USPL1: variants seen among roughly 807,000 people sequenced by gnomAD.
USPL1 encodes the protein ubiquitin specific peptidase like 1.
Under a neutral mutation model 51.5 loss-of-function variants are expected in USPL1, and 27 were observed. The observed-to-expected ratio is 0.52, with a 90% CI of 0.39 to 0.72. The LOEUF (loss-of-function observed/expected upper bound fraction) is 0.72. USPL1 is among the 30% of genes least tolerant of loss of function. USPL1 has a pLI of 0.00. For missense variants in USPL1, 1,226 were observed against 1,268.0 expected (o/e 0.97, Z 0.50); for synonymous variants, 451 against 459.6 (o/e 0.98, Z 0.24).
chr13:30,643,499 G>A (rs1157520682), intron 6 of USPL1, among the ~76,000 whole-genome samples: 2 of 151,920 alleles, frequency 1.3e-5, no homozygotes, highest in African/African-American at 4.8e-5. Flanking sequence ...ATTCTCACTT[G>A]GTCCATACCT....
At position 30,637,966 on chromosome 13, in the gene USPL1, G is replaced by C. The variant is rs1451873277; in HGVS notation, c.982+109G>C. 8 of 908,570 alleles carry C rather than the reference G, an allele frequency of 8.8e-6. No individual in the cohort carries two copies. The East Asian group carries it at 2.1e-4, about 24-fold the overall frequency. 56.3% of individuals were successfully genotyped at this position (908,570 alleles called of 1,614,324 possible). A position where few individuals can be genotyped will look rare whatever the true frequency, so the allele number is the denominator to read the frequency against. ...GATTACCTTGGATGATCATATTCTT[G>C]GGAGAGAGAATCTGAGTAGTTTGAC... On this transcript the variant is annotated intron_variant, in intron 5 of 8. Transcript: ENST00000255304.
chr13:30,619,073 G>A (rs977078135), intron 1 of USPL1, among the ~76,000 whole-genome samples: 4 of 152,214 alleles, frequency 2.6e-5, no homozygotes, highest in African/African-American at 9.7e-5. Context: ...TCTAGTCTGT[G>A]TGTTTGGAAG....
intron 6 of USPL1, 57 bp downstream of exon 6, chr13:30,642,814 A>G: frequency 6.4e-7 from 1 of 1,572,834 alleles, no homozygotes; most frequent in Non-Finnish European, 8.6e-7. Flanking sequence ...CACTAAGGTT[A>G]AGAGAACAAT....
At position 30,653,300 on chromosome 13, in the gene USPL1, C is replaced by T. The variant is rs759503558; in HGVS notation, c.1391C>T (p.Ala464Val). ...NNHFITWILDADGSWLECDDL... is the reference protein window; with the variant it reads ...NNHFITWILDVDGSWLECDDL... ...CATTTTATAACATGGATTTTAGATG[C>T]TGATGGTAAGTGTTTAGAGGTTTTC... The change falls in exon 8 of 9, where the codon GCT becomes GTT. Residue 464 changes from alanine to valine, a missense_variant. Physicochemically the swap from Ala to Val is moderately conservative, Grantham distance 64. Coordinates refer to ENST00000255304, the MANE Select transcript of USPL1 (RefSeq NM_005800.5). 6.3e-7 allele frequency: 1 copy of T among 1,596,354 alleles called. No individual in the cohort carries two copies. The highest frequency in any genetic ancestry group is 8.6e-7 in the Non-Finnish European group (1 of 1,167,566).
intron 8 of USPL1, 72 bp downstream of exon 8, chr13:30,653,377 G>A: frequency 1.4e-6 from 2 of 1,419,464 alleles, no homozygotes; most frequent in Non-Finnish European, 1.9e-6. Flanking sequence ...GGACTTTTTG[G>A]TTTTTGTTTT....
In USPL1 at chr13:30,657,900, T is replaced by TAGAAAATAAACCTGTAGC; in HGVS notation, c.1832_1849dup (p.Lys611_Asn616dup). On this transcript the variant is annotated inframe_insertion, in exon 9 of 9. Coordinates refer to ENST00000255304, the MANE Select transcript of USPL1 (RefSeq NM_005800.5). The stretch of plus-strand genomic sequence containing the variant: ...CAGTTAAATTCTGAAGCTTTCCTGT[T>TAGAAAATAAACCTGTAGC]AGAAAATAAACCTGTAGCAGAAAAT... 1 of 1,614,014 alleles carries TAGAAAATAAACCTGTAGC rather than the reference T, an allele frequency of 6.2e-7. No homozygotes were observed. Among genetic ancestry groups the TAGAAAATAAACCTGTAGC allele is most frequent in the South Asian group, 1.1e-5 (1 of 91,060 alleles).
intron 6 of USPL1, among the ~76,000 whole-genome samples, chr13:30,643,515 A>G (rs1041403183): frequency 2.0e-5 from 3 of 151,816 alleles, no homozygotes; most frequent in Admixed American, 6.6e-5. Context: ...TACCTGAGAA[A>G]GTTGCTGGCT....
At position 30,631,459 on chromosome 13, in the gene USPL1, T is replaced by C. The variant is rs146208094; in HGVS notation, c.853T>C (p.Leu285=). ...QANTLLYTSQ[L]SGVKDGDCKK... is the part of the protein sequence containing the mutation. ...AAATACACTTCTATATACCAGTCAA[T>C]TGAGTGGTGTTAAAGGTTGGTACTA... The change falls in exon 4 of 9, where the codon TTG becomes CTG. Residue 285 remains leucine, a synonymous_variant. Coordinates refer to ENST00000255304, the MANE Select transcript of USPL1 (RefSeq NM_005800.5). 539 of 1,613,558 alleles carry C rather than the reference T, an allele frequency of 3.3e-4. 1 individual carries two copies. The African/African-American group carries it at 6.3e-3, about 19-fold the overall frequency.
intron 4 of USPL1, among the ~76,000 whole-genome samples, chr13:30,634,470 C>G (rs1393791336): frequency 6.6e-6 from 1 of 152,094 alleles, no homozygotes; most frequent in East Asian, 1.9e-4. Context: ...TTCGTATTGC[C>G]TAATTTAGTT....
intron 5 of USPL1, among the ~76,000 whole-genome samples, chr13:30,639,087 G>A (rs994254295): frequency 6.6e-6 from 1 of 151,528 alleles, no homozygotes; most frequent in Non-Finnish European, 1.5e-5. Context: ...GTGGTAGTGT[G>A]TGCCTGTAGT....
intron 3 of USPL1, among the ~76,000 whole-genome samples, chr13:30,629,464 A>G (rs577276743): frequency 1.4e-3 from 206 of 152,228 alleles, no homozygotes; most frequent in African/African-American, 4.8e-3. Context: ...TCCAGCCTGG[A>G]TAACAGAGCC....
At position 30,647,098 on chromosome 13, in the gene USPL1, G is replaced by C. The variant is rs558628180; in HGVS notation, c.1238+41G>C. ...CTTATAATTTTTAGTACAAAATGAA[G>C]GTGGATTTACATTTTTCTTAATGTG... On this transcript the variant is annotated intron_variant, in intron 7 of 8. Coordinates refer to ENST00000255304, the MANE Select transcript of USPL1 (RefSeq NM_005800.5). The C allele has an allele frequency of 3.6e-4, 568 of 1,568,470 alleles. 4 individuals are homozygous for C. In the South Asian group the frequency reaches 6.0e-3, roughly 17 times the overall value.
Position 30,658,771 on chromosome 13 carries a change from A to G in USPL1, c.2694A>G (p.Ala898=), listed in dbSNP as rs1951210045. The G allele has an allele frequency of 6.2e-7, 1 of 1,614,104 alleles. No homozygotes were observed. Among genetic ancestry groups the G allele is most frequent in the South Asian group, 1.1e-5 (1 of 91,086 alleles). Residue 898 remains alanine, a synonymous_variant, in exon 9 of 9, where the codon GCA becomes GCG. Transcript: ENST00000255304. ...TAAAACTTCGTAAAAAGCTAAAGGC[A>G]GAAAAGAAGAAATTAGCTGCTCTTA... ...LRLKLRKKLK[A]EKKKLAALMS...
intron 2 of USPL1, 103 bp downstream of exon 2, chr13:30,621,342 G>A: frequency 1.2e-6 from 1 of 826,680 alleles, no homozygotes; most frequent in Non-Finnish European, 1.9e-6. Flanking sequence ...CTAAAAAATT[G>A]TGTCTTCCAC....
At chr13:30,654,607 A>C (rs1951135778) in intron 8 of USPL1, among the ~76,000 whole-genome samples, 1 of 152,214 alleles carries the variant, frequency 6.6e-6, no homozygotes, top group Non-Finnish European at 1.5e-5. Context: ...GACACAGGCA[A>C]ACAAAGGATA....
rs1286718771 is a variant in USPL1, at chr13:30,631,028, A to G, written c.422A>G (p.His141Arg). 7.4e-6 allele frequency: 12 copies of G among 1,614,040 alleles called. No homozygotes were observed. The highest frequency in any genetic ancestry group is 5.5e-5 in the South Asian group (5 of 91,092). Residue 141 changes from histidine (H) to arginine (R), a missense_variant, in exon 4 of 9, where the codon CAT (histidine) becomes CGT (arginine). Physicochemically the swap from His to Arg is conservative, Grantham distance 29 (BLOSUM62 0). Coordinates refer to ENST00000255304, the MANE Select transcript of USPL1 (RefSeq NM_005800.5). ...IDGGKVLNSKHNGEVYDETSS... is the reference protein window; with the variant it reads ...IDGGKVLNSKRNGEVYDETSS... ...GGTGGAAAAGTTTTGAACAGCAAAC[A>G]TAATGGAGAAGTATATGACGAAACC...
chr13:30,638,766 T>C (rs905839987), intron 5 of USPL1, among the ~76,000 whole-genome samples: 2 of 151,356 alleles, frequency 1.3e-5, no homozygotes, highest in African/African-American at 4.8e-5. Flanking sequence ...GACATTTAAC[T>C]TATATTAAAA....
intron 4 of USPL1, among the ~76,000 whole-genome samples, chr13:30,635,063 G>T (rs1183754523): frequency 6.6e-6 from 1 of 152,132 alleles, no homozygotes; most frequent in African/African-American, 2.4e-5. Flanking sequence ...GTATGAGTTT[G>T]TTCCTTGTAT....
In USPL1 at chr13:30,658,910, C is replaced by G; in HGVS notation, c.2833C>G (p.Pro945Ala). Residue 945 changes from proline (P) to alanine (A), a missense_variant, in exon 9 of 9, where the codon CCA (proline) becomes GCA (alanine). Transcript: ENST00000255304. The stretch of plus-strand genomic sequence containing the variant: ...GGACTTGTTAAATGAGCTACCATAT[C>G]CAATTGATATTGCCAGTGAGTCTGC... ...IEDLLNELPY[P>A]IDIASESACT... 1.9e-6 allele frequency: 3 copies of G among 1,614,158 alleles called. No homozygotes were observed. The highest frequency in any genetic ancestry group is 2.5e-6 in the Non-Finnish European group (3 of 1,180,044).
Sources: gnomAD v4.1 joint callset for allele counts (sites outside exome capture counted in the v4.1 genomes callset) on GRCh38, gnomAD v4.1.1 for gene constraint, MANE v1.5 for transcripts, NCBI Gene and HGNC (gene_info 2026-07-23, HGNC 2026-07-21) for gene names.